The following NUP210L variants were observed in gnomAD, a reference collection of about 807,000 sequenced individuals.
NUP210L encodes nucleoporin 210 like.
In NUP210L, 74 loss-of-function variants were observed where a neutral mutation model predicts 208.5. The ratio of observed to expected loss-of-function variants is 0.35; its 90% CI spans 0.29 to 0.43. The LOEUF is 0.43. NUP210L is among the 20% of genes least tolerant of loss of function. NUP210L has a pLI of 1.00. For missense variants in NUP210L, 1,843 were observed against 2,289.4 expected, an observed-to-expected ratio of 0.81 and a Z score of 3.98; for synonymous variants, 780 against 816.9, an observed-to-expected ratio of 0.95 and a Z score of 0.77.
intron 14 of NUP210L, among the ~76,000 whole-genome samples, chr1:154,097,648 T>A (rs944098659): frequency 6.6e-6 from 1 of 152,166 alleles, no homozygotes; most frequent in Non-Finnish European, 1.5e-5. Flanking sequence ...TTTGAATGAA[T>A]AATTTATCTT....
intron 9 of NUP210L, among the ~76,000 whole-genome samples, 171 bp downstream of exon 9, chr1:154,127,140 G>T (rs1048196967): frequency 1.3e-5 from 2 of 150,696 alleles, no homozygotes; most frequent in Non-Finnish European, 2.9e-5. Flanking sequence ...AAAAGAAGAA[G>T]AAGAAGAAGA....
At chr1:154,104,335 T>C (rs1038311708) in intron 12 of NUP210L, 125 bp from the exon 13 acceptor site, 5 of 717,200 alleles carry the variant, frequency 7.0e-6, no homozygotes, top group African/African-American at 1.8e-5. Context: ...CCAAATTGAA[T>C]GACTATCCAT....
At chr1:154,072,815 A>T (rs1228355727) in intron 16 of NUP210L, among the ~76,000 whole-genome samples, 1 of 152,238 alleles carries the variant, frequency 6.6e-6, no homozygotes, top group Non-Finnish European at 1.5e-5. Context: ...AACTATAAAA[A>T]TTCTAGAAGA....
intron 17 of NUP210L, among the ~76,000 whole-genome samples, chr1:154,066,935 T>C (rs1654452798): frequency 6.6e-6 from 1 of 152,094 alleles, no homozygotes; most frequent in African/African-American, 2.4e-5. Context: ...GGCTCTGAAA[T>C]TGAGGCAATA....
At chr1:154,052,266 C>T (rs1359146458) in intron 25 of NUP210L, among the ~76,000 whole-genome samples, 1 of 152,110 alleles carries the variant, frequency 6.6e-6, no homozygotes, top group Non-Finnish European at 1.5e-5. Flanking sequence ...AAATCAACAG[C>T]CGATTTGGAT....
At chr1:154,040,591 C>CT (rs1245452541) in intron 27 of NUP210L, among the ~76,000 whole-genome samples, 1,953 of 143,524 alleles carry the variant, frequency 0.014, 43 homozygotes, top group African/African-American at 0.044. Context: ...TTCTTTCTTT[C>CT]TTTTTTTTTT....
intron 16 of NUP210L, among the ~76,000 whole-genome samples, chr1:154,086,486 G>T (rs1056304265): frequency 6.6e-6 from 1 of 152,086 alleles, no homozygotes; most frequent in Non-Finnish European, 1.5e-5. Context: ...ATTCATCAAA[G>T]TTAAAAACTT....
intron 15 of NUP210L, among the ~76,000 whole-genome samples, chr1:154,092,499 A>G (rs1049168030): frequency 2.7e-5 from 4 of 150,200 alleles, no homozygotes; most frequent in African/African-American, 9.8e-5. Context: ...CCTCCTGAGT[A>G]GCTGAGATCA....
chr1:153,996,863 T>TC (rs1649917462), intron 37 of NUP210L, among the ~76,000 whole-genome samples: 1 of 150,292 alleles, frequency 6.7e-6, no homozygotes, highest in African/African-American at 2.4e-5. Flanking sequence ...TTTTTTTTTT[T>TC]TTTTTTGAGA....
At chr1:154,044,237 C>T (rs940137868) in intron 27 of NUP210L, among the ~76,000 whole-genome samples, 4 of 151,862 alleles carry the variant, frequency 2.6e-5, no homozygotes, top group African/African-American at 9.7e-5. Context: ...GAAACCCCGT[C>T]TCTACTAAAA....
intron 6 of NUP210L, 34 bp from the exon 7 acceptor site, chr1:154,136,006 C>G: frequency 6.9e-7 from 1 of 1,449,274 alleles, no homozygotes; most frequent in Non-Finnish European, 9.7e-7. Flanking sequence ...AATGTAATGA[C>G]AGCAGCCATT....
chr1:154,012,729 C>T (rs1195239372), intron 33 of NUP210L, among the ~76,000 whole-genome samples: 1 of 151,498 alleles, frequency 6.6e-6, no homozygotes, highest in East Asian at 1.9e-4. Flanking sequence ...GGGTCAGCCG[C>T]GCGCGGTGGC....
At chr1:154,057,069 C>T in intron 22 of NUP210L, 122 bp from the exon 23 acceptor site, 3 of 873,560 alleles carry the variant, frequency 3.4e-6, no homozygotes, top group East Asian at 2.7e-5. Flanking sequence ...GCCTCAACCT[C>T]CCAGACTCAA....
chr1:154,108,725 G>A (rs1043150270), intron 12 of NUP210L, among the ~76,000 whole-genome samples: 2 of 151,648 alleles, frequency 1.3e-5, no homozygotes, highest in Non-Finnish European at 2.9e-5. Context: ...AATGGCAGGA[G>A]TAAGTTCTTA....
chr1:154,083,703 G>GA (rs1213405024), intron 16 of NUP210L, among the ~76,000 whole-genome samples: 1 of 152,080 alleles, frequency 6.6e-6, no homozygotes, highest in Admixed American at 6.6e-5. Context: ...TATTTTTCAT[G>GA]AAACAGAAAT....
chr1:154,014,752 C>T (rs760449678), intron 33 of NUP210L, among the ~76,000 whole-genome samples: 2 of 152,130 alleles, frequency 1.3e-5, no homozygotes, highest in African/African-American at 2.4e-5. Context: ...ATCTGTAATC[C>T]CAGCGCTTTG....
intron 13 of NUP210L, among the ~76,000 whole-genome samples, chr1:154,101,904 C>T (rs1037899190): frequency 2.0e-5 from 3 of 152,236 alleles, no homozygotes; most frequent in African/African-American, 7.2e-5. Flanking sequence ...AACCCCAGCA[C>T]TTTGGGAGGC....
chr1:154,113,884 G>A (rs1366710520), intron 12 of NUP210L, among the ~76,000 whole-genome samples: 9 of 147,044 alleles, frequency 6.1e-5, no homozygotes, highest in African/African-American at 2.3e-4. Flanking sequence ...AAAAAAGCCG[G>A]GTGTGGTGGC....
chr1:154,150,885 A>G (rs1364279044), intron 2 of NUP210L, among the ~76,000 whole-genome samples: 1 of 152,170 alleles, frequency 6.6e-6, no homozygotes, highest in African/African-American at 2.4e-5. Context: ...CAAAATGCCC[A>G]ATCCCACCCC....
Sources: allele counts gnomAD v4.1 joint callset (sites outside exome capture counted in the v4.1 genomes callset), GRCh38; gene constraint gnomAD v4.1.1; transcripts MANE v1.5; gene names NCBI Gene and HGNC (gene_info 2026-07-23, HGNC 2026-07-21).